Variants in PLXDC1 observed in about 807,000 individuals in gnomAD.
PLXDC1 encodes plexin domain containing 1, also known as plexin domain-containing protein 1.
PLXDC1 carries 39 observed loss-of-function variants against 61.3 expected under a neutral mutation model. The ratio of observed to expected loss-of-function variants is 0.64; its 90% confidence interval spans 0.49 to 0.83. The LOEUF is 0.83. PLXDC1 is among the 40% of genes least tolerant of loss of function. The pLI is 0.00. For synonymous variants in PLXDC1, 212 were observed against 254.5 expected (o/e 0.83, Z 1.59); for missense variants, 596 against 666.5 (o/e 0.89, Z 1.17).
At chr17:39,130,263 G>A (rs1201422701) in intron 2 of PLXDC1, among the ~76,000 whole-genome samples, 1 of 152,108 alleles carries the variant, frequency 6.6e-6, no homozygotes, top group Admixed American at 6.5e-5. Context: ...GACCACCCTG[G>A]GCAACTTAGT....
chr17:39,112,748 C>G (rs1377110746), intron 2 of PLXDC1, among the ~76,000 whole-genome samples: 1 of 152,056 alleles, frequency 6.6e-6, no homozygotes, highest in Non-Finnish European at 1.5e-5. Context: ...GAAGTGTTTG[C>G]TGGAGGTGGG....
rs2045372922 is a variant in PLXDC1 at position 39,151,558 on chromosome 17, G to T, written c.-121C>A. The T allele has an allele frequency of 5.8e-6, 7 of 1,204,224 alleles. No homozygotes were observed. The highest frequency in any genetic ancestry group is 3.2e-5 in the African/African-American group (2 of 63,176). The allele number at this position is 1,204,224 out of a possible 1,614,324, so 74.6% of individuals were successfully genotyped here. ...CTGGCGGAGGGGCGGGCGGCGAGGA[G>T]ACGGCGGAGCGCGGGGCCGGGCGAG... On this transcript the variant is annotated 5_prime_UTR_variant, in exon 1 of 14. Coordinates refer to ENST00000315392, the MANE Select transcript of PLXDC1 (RefSeq NM_020405.5). This position sits in a 1 kb window ranked among gnomAD's most constrained non-coding sequence, Gnocchi z 5.2.
At chr17:39,082,431 G>T (rs1289166709) in intron 9 of PLXDC1, among the ~76,000 whole-genome samples, 1 of 152,086 alleles carries the variant, frequency 6.6e-6, no homozygotes, top group Non-Finnish European at 1.5e-5. Flanking sequence ...TGGGTGTGGT[G>T]GTGTGTGCCT....
In PLXDC1 at chr17:39,069,923, G is replaced by A. The variant is rs919969527; in HGVS notation, c.1316C>T (p.Ala439Val). Residue 439 changes from alanine (A) to valine (V), a missense_variant, in exon 13 of 14, where the codon GCC (alanine) becomes GTC (valine). Physicochemically the swap from Ala to Val is moderately conservative, Grantham distance 64. Coordinates refer to ENST00000315392, the MANE Select transcript of PLXDC1 (RefSeq NM_020405.5). ...GIVLAVLLVA[A>V]IILAGIYING... ...GATGTAAATTCCAGCCAGGATGATGGCCGCCACGAGGAGGACTGCCAGCAC... is the reference window on the plus strand; with the variant it reads ...GATGTAAATTCCAGCCAGGATGATGACCGCCACGAGGAGGACTGCCAGCAC... 1.9e-6 allele frequency: 3 copies of A among 1,613,596 alleles called. No individual in the cohort carries two copies. In the African/African-American group the frequency reaches 4.0e-5, roughly 22 times the overall value.
At chr17:39,130,951 A>T (rs1436359619) in intron 2 of PLXDC1, among the ~76,000 whole-genome samples, 1 of 152,150 alleles carries the variant, frequency 6.6e-6, no homozygotes. Flanking sequence ...CACCCTGCCC[A>T]AGGAGAAAGG....
At chr17:39,093,945 T>G (rs1910050996) in intron 7 of PLXDC1, among the ~76,000 whole-genome samples, 1 of 152,114 alleles carries the variant, frequency 6.6e-6, no homozygotes, top group Non-Finnish European at 1.5e-5. Context: ...CACACGCATG[T>G]GCACACCCCA....
chr17:39,124,971 G>A (rs140635646), intron 2 of PLXDC1, among the ~76,000 whole-genome samples: 7 of 152,214 alleles, frequency 4.6e-5, no homozygotes, highest in South Asian at 2.1e-4. Context: ...AGGCCACTAC[G>A]CCCAGCTAAC....
chr17:39,087,736 T>C (rs749523362), intron 7 of PLXDC1, 34 bp from the exon 8 acceptor site: 1 of 1,527,902 alleles, frequency 6.5e-7, no homozygotes, highest in South Asian at 1.1e-5. Flanking sequence ...GTCAGGAGCA[T>C]ATCACAGGCA....
At chr17:39,143,861 C>T (rs146835699) in intron 1 of PLXDC1, among the ~76,000 whole-genome samples, 3 of 152,208 alleles carry the variant, frequency 2.0e-5, no homozygotes, top group African/African-American at 7.2e-5. Context: ...GCCCACTGCC[C>T]AGGCCCAAGC....
chr17:39,127,406 T>C (rs1168614918), intron 2 of PLXDC1, among the ~76,000 whole-genome samples: 1 of 152,136 alleles, frequency 6.6e-6, no homozygotes, highest in Non-Finnish European at 1.5e-5. Context: ...AGTCAGCTTA[T>C]GCTTCCCACT....
chr17:39,116,628 C>T (rs970509597), intron 2 of PLXDC1, among the ~76,000 whole-genome samples: 2 of 152,196 alleles, frequency 1.3e-5, no homozygotes, highest in East Asian at 3.8e-4. Flanking sequence ...CTGGATTCCT[C>T]AATTTCTTCT....
chr17:39,131,384 C>T (rs972669400), intron 2 of PLXDC1, among the ~76,000 whole-genome samples: 1 of 151,114 alleles, frequency 6.6e-6, no homozygotes, highest in Non-Finnish European at 1.5e-5. Flanking sequence ...GACAGAATCT[C>T]GCTCTGTCGC....
At chr17:39,102,478 C>A (rs1910453206) in intron 7 of PLXDC1, among the ~76,000 whole-genome samples, 1 of 152,048 alleles carries the variant, frequency 6.6e-6, no homozygotes, top group Admixed American at 6.6e-5. Context: ...GAAATACTCA[C>A]ACGGGGGCAT....
At chr17:39,120,463 T>C (rs969069938) in intron 2 of PLXDC1, among the ~76,000 whole-genome samples, 11 of 152,148 alleles carry the variant, frequency 7.2e-5, no homozygotes, top group Non-Finnish European at 1.6e-4. Context: ...ACATATCAGA[T>C]AAGGCATGAG....
chr17:39,133,328 G>A lies in PLXDC1; in HGVS notation c.255+6326C>T, dbSNP rs115969072. 5.9e-3 allele frequency among the ~76,000 whole-genome samples: 891 copies of A among 152,218 alleles called. 10 individuals are homozygous for A. Among genetic ancestry groups the A allele is most frequent in the African/African-American group, 0.02 (817 of 41,512 alleles). On this transcript the variant is annotated intron_variant, in intron 2 of 13. Transcript: ENST00000315392. ...ATGGAGCCACCTGAGTCTCGGGCGT[G>A]TGCAGACACCCTGGTGTGTGTAAGC...
At chr17:39,089,922 C>T (rs1014969495) in intron 7 of PLXDC1, among the ~76,000 whole-genome samples, 1 of 152,088 alleles carries the variant, frequency 6.6e-6, no homozygotes. Context: ...CTCAGCCTCC[C>T]GAGTAGCTGG....
intron 12 of PLXDC1, chr17:39,070,308 T>G (rs1909065974): frequency 3.7e-6 from 1 of 269,526 alleles, no homozygotes; most frequent in South Asian, 1.3e-4. Context: ...TAAGTGCTAT[T>G]AAGGAATTCA....
At chr17:39,106,421 C>G (rs1010909538) in intron 6 of PLXDC1, among the ~76,000 whole-genome samples, 3 of 151,962 alleles carry the variant, frequency 2.0e-5, no homozygotes, top group Admixed American at 2.0e-4. Context: ...TTCTCAAGGG[C>G]AAATCTGTGG....
upstream of PLXDC1, chr17:39,151,663 G>C: frequency 3.9e-6 from 1 of 253,296 alleles, no homozygotes; most frequent in South Asian, 1.5e-4. The surrounding 1 kb of genome is among the most constrained non-coding windows in gnomAD (Gnocchi z 5.2). Context: ...GGGGCCGCTG[G>C]GTCGGTGGGG....
Sources: gnomAD v4.1 joint callset for allele counts (sites outside exome capture counted in the v4.1 genomes callset) on GRCh38, gnomAD v4.1.1 for gene constraint, Gnocchi (gnomAD v3.1) non-coding constraint, MANE v1.5 for transcripts, NCBI Gene and HGNC (gene_info 2026-07-23, HGNC 2026-07-21) for gene names.